GART: variants seen among roughly 807,000 people sequenced by gnomAD.
GART encodes the protein trifunctional purine biosynthetic protein adenosine-3.
Under a neutral mutation model 107.2 loss-of-function variants are expected in GART, and 43 were observed. That is an observed-to-expected ratio of 0.40 (90% CI 0.31 to 0.52). The LOEUF (loss-of-function observed/expected upper bound fraction) is 0.52, where lower values mean the gene tolerates loss of function less well. GART is among the 20% of genes least tolerant of loss of function. The pLI, the probability that GART is intolerant of heterozygous loss-of-function variation, is 0.52. For missense variants in GART, 1,107 were observed against 1,206.5 expected (o/e 0.92, Z 1.22); for synonymous variants, 434 against 427.0 (o/e 1.02, Z -0.20).
In GART at chr21:33,531,560, G is replaced by C; in HGVS notation, c.529-3C>G. ...CCAGCTGCCCCAAAGGCTTTCTCCT[G>C]ATTGTAAGATTTTTTTTTTTTTTTT... On this transcript the variant is annotated splice_polypyrimidine_tract_variant and splice_region_variant and intron_variant, in intron 5 of 21. Coordinates refer to ENST00000381815, the MANE Select transcript of GART (RefSeq NM_000819.5). 1 of 1,555,950 alleles carries C rather than the reference G, an allele frequency of 6.4e-7. No homozygotes were observed. The highest frequency in any genetic ancestry group is 1.2e-5 in the South Asian group (1 of 83,346).
At chr21:33,526,651 A>T (rs978389925) in intron 10 of GART, among the ~76,000 whole-genome samples, 3 of 152,096 alleles carry the variant, frequency 2.0e-5, no homozygotes, top group Admixed American at 6.5e-5. Context: ...CACTTGTATG[A>T]TTTTAAGACA....
chr21:33,525,668 G>A (rs1156975641), intron 10 of GART, among the ~76,000 whole-genome samples: 2 of 151,876 alleles, frequency 1.3e-5, no homozygotes, highest in Non-Finnish European at 2.9e-5. Context: ...TGATCTGCCC[G>A]CCTTGGCCTC....
rs78344556 is a variant in GART at position 33,513,767 on chromosome 21, T to G, written c.2108-2309A>C. Among the ~76,000 whole-genome samples the G allele has an allele frequency of 8.3e-3, 1,266 of 152,310 alleles. 21 individuals carry two copies. Among genetic ancestry groups the G allele is most frequent in the African/African-American group, 0.029 (1,219 of 41,572 alleles). Reference sequence around the variant, plus strand: ...ATAGTGGTACATCTGTAAAATGGAATACTTGTTATCAAAAATGATGCTACT... The same window carrying G: ...ATAGTGGTACATCTGTAAAATGGAAGACTTGTTATCAAAAATGATGCTACT... On this transcript the variant is annotated intron_variant, in intron 16 of 21. Transcript: ENST00000381815.
intron 20 of GART, among the ~76,000 whole-genome samples, chr21:33,505,214 C>A (rs538743229): frequency 1.3e-5 from 2 of 152,140 alleles, no homozygotes; most frequent in South Asian, 4.2e-4. Flanking sequence ...TCTTTTGCTT[C>A]CAAACAAATA....
chr21:33,527,796 A>G (rs1569026995), intron 10 of GART, among the ~76,000 whole-genome samples: 2 of 152,190 alleles, frequency 1.3e-5, no homozygotes, highest in Non-Finnish European at 2.9e-5. Context: ...GTGATAATTC[A>G]GAGTCCTCAC....
chr21:33,524,846 T>C lies in GART; in HGVS notation c.1221A>G (p.Leu407=), dbSNP rs745934745. ...ISALEEAKKG[L]AAIKFEGAIY... The stretch of plus-strand genomic sequence containing the variant: ...TTGCTCCCTCAAACTTTATAGCAGC[T>C]AGTCCTTTCTTGGCTTCCTCAAGGG... The change falls in exon 11 of 22, where the codon CTA becomes CTG. Residue 407 remains leucine (L), a synonymous_variant. Transcript: ENST00000381815. 1.9e-6 allele frequency: 3 copies of C among 1,614,222 alleles called. No individual in the cohort carries two copies. Among genetic ancestry groups the C allele is most frequent in the Non-Finnish European group, 2.5e-6 (3 of 1,180,026 alleles).
chr21:33,516,297 A>T (rs938467135), intron 16 of GART, among the ~76,000 whole-genome samples: 1 of 150,356 alleles, frequency 6.7e-6, no homozygotes, highest in African/African-American at 2.4e-5. Flanking sequence ...TGTTGGTTTG[A>T]TGATAATACT....
chr21:33,516,246 T>TAAAA lies in GART; in HGVS notation c.2107+739_2107+742dup, dbSNP rs11321647. Among the ~76,000 whole-genome samples, 57 of 94,992 alleles carry TAAAA rather than the reference T, an allele frequency of 6.0e-4. 1 individual carries two copies. Among genetic ancestry groups the TAAAA allele is most frequent in the South Asian group, 1.4e-3 (4 of 2,776 alleles). 62.3% of individuals were successfully genotyped at this position (94,992 alleles called of 152,430 possible). A position where few individuals can be genotyped will look rare whatever the true frequency, so the allele number is the denominator to read the frequency against. ...CTGGGCTACAGAGTGAGACTCTGTC[T>TAAAA]AAAAAAAAAAAAAAAAAAAAAAGAA... On this transcript the variant is annotated intron_variant, in intron 16 of 21. Transcript: ENST00000381815.
chr21:33,508,702 A>G (rs1319646498), intron 18 of GART, among the ~76,000 whole-genome samples: 1 of 151,798 alleles, frequency 6.6e-6, no homozygotes, highest in African/African-American at 2.4e-5. Context: ...TTTTTAGTGG[A>G]GACAGGGTTT....
intron 18 of GART, among the ~76,000 whole-genome samples, chr21:33,507,556 C>T (rs995549302): frequency 2.0e-5 from 3 of 152,154 alleles, no homozygotes; most frequent in Non-Finnish European, 4.4e-5. Context: ...TGTGGTGGCT[C>T]ACACCTATAA....
At chr21:33,524,546 C>G (rs767867278) in intron 11 of GART, 103 of 1,232,408 alleles carry the variant, frequency 8.4e-5, no homozygotes, top group Non-Finnish European at 9.9e-5. Context: ...ATCAGTACCA[C>G]TGTGATTTTG....
chr21:33,535,931 G>A (rs2085296529), intron 2 of GART, among the ~76,000 whole-genome samples: 1 of 152,032 alleles, frequency 6.6e-6, no homozygotes, highest in Admixed American at 6.6e-5. Flanking sequence ...AGGAGGCTGA[G>A]ACAGGAGAAT....
rs1434926744 is a variant in GART at position 33,520,495 on chromosome 21, A to G, written c.1571T>C (p.Ile524Thr). 6.2e-7 allele frequency: 1 copy of G among 1,614,202 alleles called. No individual in the cohort carries two copies. Among genetic ancestry groups the G allele is most frequent in the South Asian group, 1.1e-5 (1 of 91,080 alleles). ...QDLVAMCVND[I>T]LAQGAEPLFF... The stretch of plus-strand genomic sequence containing the variant: ...GAGGGGCTCTGCTCCTTGTGCCAGA[A>G]TATCATTAACACACATTGCTACCAA... Residue 524 changes from isoleucine to threonine, a missense_variant, in exon 14 of 22, where the codon ATT becomes ACT. Coordinates refer to ENST00000381815, the MANE Select transcript of GART (RefSeq NM_000819.5).
At chr21:33,524,057 CCAACAATG>C in intron 11 of GART, 1 of 983,844 alleles carries the variant, frequency 1.0e-6, no homozygotes. Flanking sequence ...TTTGTACATA[CCAACAATG>C]AATCAGTAAG....
At chr21:33,537,602 G>A (rs1238370072) in intron 2 of GART, among the ~76,000 whole-genome samples, 4 of 152,196 alleles carry the variant, frequency 2.6e-5, no homozygotes, top group Non-Finnish European at 5.9e-5. Context: ...GTAAGAAACT[G>A]TAGGAGAGAT....
At chr21:33,512,145 G>A (rs572099198) in intron 16 of GART, among the ~76,000 whole-genome samples, 7 of 151,674 alleles carry the variant, frequency 4.6e-5, no homozygotes, top group South Asian at 2.1e-4. Flanking sequence ...TTAGCTGGGC[G>A]TGGTGGCGCA....
chr21:33,542,132 G>C (rs2085449959), upstream of GART: 1 of 151,642 alleles, frequency 6.6e-6, no homozygotes, highest in African/African-American at 2.4e-5. Flanking sequence ...GGACCGGCGC[G>C]GGACCAGCGC....
At chr21:33,525,566 G>A (rs1244098483) in intron 10 of GART, among the ~76,000 whole-genome samples, 3 of 152,052 alleles carry the variant, frequency 2.0e-5, no homozygotes, top group Non-Finnish European at 4.4e-5. Flanking sequence ...GAGTAGCTGG[G>A]ACTACAGGAA....
chr21:33,539,423 T>C, intron 1 of GART, 67 bp from the exon 2 acceptor site: 1 of 1,256,430 alleles, frequency 8.0e-7, no homozygotes. Flanking sequence ...ACGGGCACAG[T>C]GGCTCATGCC....
Sources: allele counts gnomAD v4.1 joint callset (sites outside exome capture counted in the v4.1 genomes callset), GRCh38; gene constraint gnomAD v4.1.1; transcripts MANE v1.5; gene names NCBI Gene and HGNC (gene_info 2026-07-23, HGNC 2026-07-21).